CSMD1: variants seen among roughly 807,000 people sequenced by gnomAD.
CSMD1 encodes the protein CUB and sushi domain-containing protein 1.
Under a neutral mutation model 417.5 loss-of-function variants are expected in CSMD1, and 213 were observed. The observed-to-expected ratio is 0.51, with a 90% CI of 0.46 to 0.57. The LOEUF is 0.57. Ranked by LOEUF, CSMD1 falls within the 20% of genes least tolerant of loss-of-function variation. The pLI is 0.00. For missense variants in CSMD1, 6,923 were observed against 4,529.7 expected, an observed-to-expected ratio of 1.53 and a Z score of -15.17; for synonymous variants, 2,862 against 1,736.8, an observed-to-expected ratio of 1.65 and a Z score of -16.11.
intron 1 of CSMD1, among the ~76,000 whole-genome samples, chr8:4,888,064 G>T (rs551638877): frequency 6.6e-5 from 10 of 151,774 alleles, no homozygotes; most frequent in Middle Eastern, 3.4e-3. Flanking sequence ...TTACTCTGAA[G>T]ATAAACTTTC....
At chr8:3,637,918 T>G (rs540843408) in intron 7 of CSMD1, among the ~76,000 whole-genome samples, 103 of 152,344 alleles carry the variant, frequency 6.8e-4, no homozygotes, top group Admixed American at 6.6e-3. Flanking sequence ...ACTCTCTTGA[T>G]TGCCGCCATG....
intron 51 of CSMD1, among the ~76,000 whole-genome samples, chr8:3,027,892 T>C (rs1324288069): frequency 6.6e-6 from 1 of 152,238 alleles, no homozygotes; most frequent in Non-Finnish European, 1.5e-5. Flanking sequence ...ATGAGTTTAG[T>C]TCAGGAATGA....
chr8:4,781,120 C>T (rs1313176755), intron 1 of CSMD1, among the ~76,000 whole-genome samples: 3 of 152,150 alleles, frequency 2.0e-5, no homozygotes, highest in East Asian at 1.9e-4. Flanking sequence ...TCTTTTCTTT[C>T]GAGTGCAGGT....
At chr8:3,570,737 G>A (rs1030891539) in intron 10 of CSMD1, among the ~76,000 whole-genome samples, 5 of 152,150 alleles carry the variant, frequency 3.3e-5, no homozygotes, top group African/African-American at 4.8e-5. Context: ...TATGGAGGTA[G>A]AAAATAACCT....
chr8:4,172,471 C>A (rs1370508635), intron 3 of CSMD1, among the ~76,000 whole-genome samples: 1 of 151,994 alleles, frequency 6.6e-6, no homozygotes, highest in Non-Finnish European at 1.5e-5. Flanking sequence ...CAGACACTAT[C>A]TTATTCACAT....
chr8:3,724,338 T>C (rs1303728816), intron 6 of CSMD1, among the ~76,000 whole-genome samples: 1 of 152,082 alleles, frequency 6.6e-6, no homozygotes, highest in African/African-American at 2.4e-5. Context: ...CCCAATGCTA[T>C]CCCGGGTTTT....
intron 22 of CSMD1, among the ~76,000 whole-genome samples, chr8:3,345,418 T>C (rs1807923957): frequency 1.3e-5 from 2 of 151,996 alleles, no homozygotes; most frequent in Admixed American, 6.6e-5. Context: ...GTGTATGTCG[T>C]TGATGAACAT....
At chr8:3,487,618 T>G (rs1818129545) in intron 11 of CSMD1, among the ~76,000 whole-genome samples, 1 of 152,200 alleles carries the variant, frequency 6.6e-6, no homozygotes, top group African/African-American at 2.4e-5. Context: ...TATAAATATT[T>G]AGAATTCTTA....
chr8:4,101,227 GT>G (rs1237163995), intron 3 of CSMD1, among the ~76,000 whole-genome samples: 1 of 152,108 alleles, frequency 6.6e-6, no homozygotes, highest in African/African-American at 2.4e-5. Context: ...TTTTCCTTTT[GT>G]TTTTTGCTGT....
chr8:3,947,904 T>G, intron 5 of CSMD1, among the ~76,000 whole-genome samples: 1 of 152,126 alleles, frequency 6.6e-6, no homozygotes, highest in East Asian at 1.9e-4. Flanking sequence ...TTAAAAGTCC[T>G]GTTAAAATCT....
intron 3 of CSMD1, among the ~76,000 whole-genome samples, chr8:4,124,118 C>A (rs896381190): frequency 2.0e-5 from 3 of 152,088 alleles, no homozygotes; most frequent in Non-Finnish European, 4.4e-5. Flanking sequence ...AAACTATTTT[C>A]TGCAAGAAGT....
chr8:3,650,884 C>G (rs1585019257), intron 7 of CSMD1, among the ~76,000 whole-genome samples: 2 of 152,162 alleles, frequency 1.3e-5, no homozygotes, highest in Non-Finnish European at 2.9e-5. Flanking sequence ...AACATCTCTT[C>G]TGGAATATCG....
chr8:3,593,160 G>A (rs1800935454), intron 8 of CSMD1, among the ~76,000 whole-genome samples: 1 of 152,228 alleles, frequency 6.6e-6, no homozygotes, highest in Non-Finnish European at 1.5e-5. Context: ...ATGGTGGCGT[G>A]GAGGCTGTGG....
chr8:4,524,587 T>TG (rs1237605541), intron 2 of CSMD1, among the ~76,000 whole-genome samples: 1 of 144,346 alleles, frequency 6.9e-6, no homozygotes, highest in Non-Finnish European at 1.5e-5. Context: ...TTTTTTTTTT[T>TG]GGTTTGGTTT....
At chr8:4,210,246 C>T (rs954113584) in intron 3 of CSMD1, among the ~76,000 whole-genome samples, 2 of 152,204 alleles carry the variant, frequency 1.3e-5, no homozygotes, top group Non-Finnish European at 2.9e-5. Flanking sequence ...ACAGGAGGGG[C>T]AGAGGACTGC....
chr8:4,984,354 C>T (rs374415322), intron 1 of CSMD1, among the ~76,000 whole-genome samples: 34 of 152,198 alleles, frequency 2.2e-4, no homozygotes, highest in East Asian at 9.6e-4. Flanking sequence ...TATAAATCTG[C>T]ATATTTCAGG....
chr8:3,220,667 C>T (rs904041746), intron 28 of CSMD1, among the ~76,000 whole-genome samples: 1 of 152,130 alleles, frequency 6.6e-6, no homozygotes, highest in African/African-American at 2.4e-5. Flanking sequence ...CCTCTCTCTA[C>T]TAAAAATACA....
At chr8:2,959,861 C>A (rs1803311282) in intron 62 of CSMD1, among the ~76,000 whole-genome samples, 1 of 152,156 alleles carries the variant, frequency 6.6e-6, no homozygotes, top group African/African-American at 2.4e-5. Flanking sequence ...ATGGTCTCAA[C>A]CTTCTCCTTA....
At chr8:3,858,894 T>C (rs1804498114) in intron 5 of CSMD1, among the ~76,000 whole-genome samples, 2 of 152,170 alleles carry the variant, frequency 1.3e-5, no homozygotes, top group Admixed American at 1.3e-4. Context: ...ACAATGTAAA[T>C]CTATATATTT....
Sources: gnomAD v4.1 joint callset for allele counts (sites outside exome capture counted in the v4.1 genomes callset) on GRCh38, gnomAD v4.1.1 for gene constraint, MANE v1.5 for transcripts, NCBI Gene and HGNC (gene_info 2026-07-23, HGNC 2026-07-21) for gene names.